Variants in CNOT2 observed in about 807,000 individuals in gnomAD.
The protein encoded by CNOT2 is CCR4-NOT transcription complex subunit 2.
A neutral mutation model predicts 72.1 loss-of-function variants in CNOT2; 7 were observed. The ratio of observed to expected loss-of-function variants is 0.10; its 90% CI spans 0.06 to 0.18. The LOEUF (loss-of-function observed/expected upper bound fraction) is 0.18. Ranked by LOEUF, CNOT2 falls within the 10% of genes least tolerant of loss-of-function variation. The pLI is 1.00. For missense variants in CNOT2, 345 were observed against 660.3 expected, an observed-to-expected ratio of 0.52 and a Z score of 5.23; for synonymous variants, 196 against 225.6, an observed-to-expected ratio of 0.87 and a Z score of 1.17.
Position 70,354,949 on chromosome 12 carries a change from A to G in CNOT2, c.*1034A>G, listed in dbSNP as rs938445307. On this transcript the variant is annotated 3_prime_UTR_variant, in exon 16 of 16. Transcript: ENST00000229195. ...GATCAATCTTGTATTTTCTGACCAC[A>G]TAAAGGCTTCTTCTCTTTGTAATAA... 4 of 152,674 alleles carry G rather than the reference A, an allele frequency of 2.6e-5. No homozygotes were observed. The highest frequency in any genetic ancestry group is 5.9e-5 in the Non-Finnish European group (4 of 68,042). 9.5% of individuals were successfully genotyped at this position (152,674 alleles called of 1,614,324 possible).
At chr12:70,329,858 C>G (rs1879664648) in intron 5 of CNOT2, among the ~76,000 whole-genome samples, 1 of 152,076 alleles carries the variant, frequency 6.6e-6, no homozygotes, top group East Asian at 1.9e-4. Flanking sequence ...GGAATATGTG[C>G]AATTTAAAAT....
intron 1 of CNOT2, among the ~76,000 whole-genome samples, chr12:70,267,280 A>G (rs1959096000): frequency 6.6e-6 from 1 of 152,202 alleles, no homozygotes; most frequent in Non-Finnish European, 1.5e-5. Context: ...TTTGAAGGGT[A>G]TAGAGAAGAA....
At chr12:70,310,011 T>A (rs1876178530) in intron 2 of CNOT2, among the ~76,000 whole-genome samples, 1 of 152,118 alleles carries the variant, frequency 6.6e-6, no homozygotes, top group Non-Finnish European at 1.5e-5. Flanking sequence ...TTTTTTCTTG[T>A]AATTATTCCC....
intron 2 of CNOT2, among the ~76,000 whole-genome samples, chr12:70,302,785 CT>C (rs1231600633): frequency 2.0e-5 from 3 of 152,152 alleles, no homozygotes; most frequent in Non-Finnish European, 4.4e-5. Flanking sequence ...AACTTTCTGT[CT>C]CGTTGATCTG....
intron 4 of CNOT2, chr12:70,322,457 G>T (rs937062542): frequency 2.6e-5 from 4 of 151,746 alleles, no homozygotes; most frequent in Non-Finnish European, 5.9e-5. Flanking sequence ...GTTACCAACA[G>T]GATCTAGGAC....
chr12:70,293,105 CACTT>C (rs1031502783), intron 2 of CNOT2, among the ~76,000 whole-genome samples: 9 of 150,142 alleles, frequency 6.0e-5, no homozygotes, highest in Non-Finnish European at 1.3e-4. Flanking sequence ...GAAAATAACT[CACTT>C]TTTATATTTT....
chr12:70,278,391 G>T (rs1869224531), intron 2 of CNOT2, 117 bp downstream of exon 2: 5 of 608,574 alleles, frequency 8.2e-6, no homozygotes, highest in East Asian at 5.9e-5. Flanking sequence ...TTGAAAATTT[G>T]GGTTTATAAT....
chr12:70,327,681 G>A (rs1490258175), intron 4 of CNOT2: 3 of 151,852 alleles, frequency 2.0e-5, no homozygotes, highest in South Asian at 2.1e-4. Flanking sequence ...CTTCAGGACA[G>A]CATGTTTAGG....
intron 2 of CNOT2, among the ~76,000 whole-genome samples, chr12:70,302,435 C>G (rs1874214887): frequency 6.6e-6 from 1 of 151,604 alleles, no homozygotes; most frequent in African/African-American, 2.4e-5. Flanking sequence ...TCGTTGGTTT[C>G]AAAGAACATC....
intron 7 of CNOT2, among the ~76,000 whole-genome samples, chr12:70,334,018 TTAAC>T (rs1205380374): frequency 6.6e-6 from 1 of 151,996 alleles, no homozygotes; most frequent in Non-Finnish European, 1.5e-5. Context: ...AAATTCTGTT[TTAAC>T]TAAGCATATT....
At chr12:70,306,820 T>C (rs371721564) in intron 2 of CNOT2, among the ~76,000 whole-genome samples, 1 of 152,214 alleles carries the variant, frequency 6.6e-6, no homozygotes, top group East Asian at 1.9e-4. Context: ...GAGTACATTC[T>C]GAGAAATGCG....
chr12:70,250,506 T>A lies in CNOT2; in HGVS notation c.-96+7026T>A, dbSNP rs559219089. 1.4e-3 allele frequency among the ~76,000 whole-genome samples: 219 copies of A among 152,162 alleles called. 1 individual carries two copies. The highest frequency in any genetic ancestry group is 5.0e-3 in the African/African-American group (209 of 41,542). The stretch of plus-strand genomic sequence containing the variant: ...CGGTGATCCAGACAAGTCTCCACCT[T>A]CATTAATGTAACATTCTGGAGGAGG... On this transcript the variant is annotated intron_variant, in intron 1 of 15. Coordinates refer to ENST00000229195, the MANE Select transcript of CNOT2 (RefSeq NM_014515.7).
intron 2 of CNOT2, among the ~76,000 whole-genome samples, chr12:70,296,146 C>A (rs1872757336): frequency 1.3e-5 from 2 of 151,598 alleles, no homozygotes; most frequent in South Asian, 4.2e-4. Flanking sequence ...CCCCCACCAA[C>A]ACACACACAC....
chr12:70,294,449 TAAA>T (rs1343194873), intron 2 of CNOT2, among the ~76,000 whole-genome samples: 1 of 152,174 alleles, frequency 6.6e-6, no homozygotes, highest in Non-Finnish European at 1.5e-5. Context: ...ATAAATTATT[TAAA>T]AAATAGTGAA....
rs112288569 is a variant in CNOT2, at chr12:70,314,837, C to CTTGTTTGT, written c.171+3843_171+3850dup. 3.0e-3 allele frequency among the ~76,000 whole-genome samples: 448 copies of CTTGTTTGT among 151,042 alleles called. 1 individual carries two copies. Among genetic ancestry groups the CTTGTTTGT allele is most frequent in the African/African-American group, 1.0e-2 (410 of 41,056 alleles). Reference sequence around the variant, plus strand: ...TCCCTTGCCCCTTTTCTCTTTTGTTCTTGTTTGTTTGTTTGTTTGTTTGTT... The same window carrying CTTGTTTGT: ...TCCCTTGCCCCTTTTCTCTTTTGTTCTTGTTTGTTTGTTTGTTTGTTTGTTTGTTTGTT... On this transcript the variant is annotated intron_variant, in intron 3 of 15. Transcript: ENST00000229195.
At chr12:70,348,560 G>T (rs1048068177) in intron 15 of CNOT2, among the ~76,000 whole-genome samples, 3 of 152,094 alleles carry the variant, frequency 2.0e-5, no homozygotes, top group Non-Finnish European at 4.4e-5. Context: ...GAACATTTTT[G>T]CTCAATATTA....
At chr12:70,342,891 A>G (rs1881692192) in intron 13 of CNOT2, among the ~76,000 whole-genome samples, 1 of 152,146 alleles carries the variant, frequency 6.6e-6, no homozygotes, top group Non-Finnish European at 1.5e-5. Context: ...GGAAACTACA[A>G]TTTAGTGAAA....
chr12:70,258,823 C>T (rs1224687550), intron 1 of CNOT2, among the ~76,000 whole-genome samples: 1 of 152,132 alleles, frequency 6.6e-6, no homozygotes, highest in East Asian at 1.9e-4. Flanking sequence ...GGAGAAAGGG[C>T]TTTCAGGAAG....
chr12:70,267,547 G>A lies in CNOT2; in HGVS notation c.-95-10585G>A, dbSNP rs1396255160. On this transcript the variant is annotated intron_variant, in intron 1 of 15. Coordinates refer to ENST00000229195, the MANE Select transcript of CNOT2 (RefSeq NM_014515.7). ...TAAGGTGAAATTCAGAGGTCCTGGG[G>A]GTTAAGTCTTGAACACATCTTTTTT... Among the ~76,000 whole-genome samples, 4 of 152,184 alleles carry A rather than the reference G, an allele frequency of 2.6e-5. No homozygotes were observed. In the East Asian group the frequency reaches 5.8e-4, roughly 22 times the overall value.
Sources: gnomAD v4.1 joint callset for allele counts (sites outside exome capture counted in the v4.1 genomes callset) on GRCh38, gnomAD v4.1.1 for gene constraint, MANE v1.5 for transcripts, NCBI Gene and HGNC (gene_info 2026-07-23, HGNC 2026-07-21) for gene names.